Variants in IARS1 observed in about 807,000 individuals in gnomAD.
The protein encoded by IARS1 is isoleucyl-tRNA synthetase 1.
In IARS1, 124 loss-of-function variants were observed where a neutral mutation model predicts 168.2. That is an observed-to-expected ratio of 0.74 (90% CI 0.64 to 0.86). The LOEUF (loss-of-function observed/expected upper bound fraction) is 0.86. IARS1 is among the 40% of genes least tolerant of loss of function. The pLI, the probability that IARS1 is intolerant of heterozygous loss-of-function variation, is 0.00. For synonymous variants in IARS1, 532 were observed against 529.4 expected (o/e 1.00, Z -0.07); for missense variants, 1,452 against 1,515.8 (o/e 0.96, Z 0.70).
At chr9:92,260,718 T>G (rs1395967744) in intron 17 of IARS1, among the ~76,000 whole-genome samples, 2 of 152,054 alleles carry the variant, frequency 1.3e-5, no homozygotes, top group Non-Finnish European at 2.9e-5. Context: ...TGCAAACTTC[T>G]TTTTGAATAT....
chr9:92,216,201 A>C (rs898631541), intron 33 of IARS1, among the ~76,000 whole-genome samples: 5 of 150,458 alleles, frequency 3.3e-5, no homozygotes, highest in African/African-American at 9.7e-5. Context: ...GAAATAAAAT[A>C]CTTTACAGAC....
At chr9:92,274,316 CA>C in intron 10 of IARS1, 109 bp downstream of exon 10, 1 of 769,578 alleles carries the variant, frequency 1.3e-6, no homozygotes, top group Non-Finnish European at 2.3e-6. Flanking sequence ...GGCAGTGAGC[CA>C]GAAAAGAGGC....
intron 11 of IARS1, 103 bp downstream of exon 11, chr9:92,271,430 C>A: frequency 6.8e-7 from 1 of 1,465,104 alleles, no homozygotes; most frequent in South Asian, 1.2e-5. Context: ...ATGACAAAAC[C>A]AAATAAAAAC....
intron 31 of IARS1, among the ~76,000 whole-genome samples, chr9:92,225,364 C>T (rs1004392565): frequency 6.6e-6 from 1 of 152,112 alleles, no homozygotes; most frequent in Non-Finnish European, 1.5e-5. Context: ...CTTATTTTTC[C>T]ACTCTCTTAT....
At chr9:92,241,059 C>T (rs1373843390) in intron 29 of IARS1, 98 bp from the exon 30 acceptor site, 3 of 707,772 alleles carry the variant, frequency 4.2e-6, no homozygotes, top group East Asian at 5.1e-5. Context: ...ACAACAAGAG[C>T]TGTACACAAT....
chr9:92,229,145 A>G lies in IARS1; in HGVS notation c.3284-19T>C, dbSNP rs1470615012. ...ACTCCACCTAAAAAGCCACAAAAAT[A>G]ACACCTCAATCAGACAAATAAAACT... On this transcript the variant is annotated intron_variant, in intron 30 of 33. Transcript: ENST00000443024. 21 of 1,609,800 alleles carry G rather than the reference A, an allele frequency of 1.3e-5. No homozygotes were observed. The East Asian group carries it at 4.7e-4, about 36-fold the overall frequency.
At chr9:92,278,380 T>C in intron 7 of IARS1, 94 bp from the exon 8 acceptor site, 3 of 823,366 alleles carry the variant, frequency 3.6e-6, no homozygotes, top group Non-Finnish European at 2.1e-6. Flanking sequence ...CCTGAGGAGC[T>C]CCTGTACCAT....
chr9:92,213,768 C>T (rs140286638), intron 33 of IARS1, among the ~76,000 whole-genome samples: 36 of 152,300 alleles, frequency 2.4e-4, no homozygotes, highest in African/African-American at 7.9e-4. Flanking sequence ...TAGACAGATC[C>T]TGTCTCCATC....
chr9:92,245,049 A>G lies in IARS1; in HGVS notation c.2814T>C (p.His938=), dbSNP rs1564168418. ...GGCGGATGTCTTCATCGTGCAATTC[A>G]TGGCCTTCCACAACAATGGTCCCTA... ...QKTGTIVVEG[H]ELHDEDIRLM... is the part of the protein sequence containing the mutation. Residue 938 remains histidine (H), a synonymous_variant, in exon 27 of 34, where the codon CAT becomes CAC. Transcript: ENST00000443024. 1 of 1,614,186 alleles carries G rather than the reference A, an allele frequency of 6.2e-7. No individual in the cohort carries two copies. The highest frequency in any genetic ancestry group is 2.2e-5 in the East Asian group (1 of 44,888).
chr9:92,228,251 G>A (rs567870539), intron 31 of IARS1, among the ~76,000 whole-genome samples: 1 of 152,248 alleles, frequency 6.6e-6, no homozygotes, highest in African/African-American at 2.4e-5. Context: ...TATTTCCACA[G>A]GTCACATTTA....
intron 1 of IARS1, among the ~76,000 whole-genome samples, chr9:92,290,635 G>A (rs952782391): frequency 3.9e-5 from 6 of 151,974 alleles, no homozygotes; most frequent in South Asian, 2.1e-4. Context: ...TAGATTTTTC[G>A]CTTACATTTA....
chr9:92,282,986 T>C (rs541729881), intron 6 of IARS1, among the ~76,000 whole-genome samples: 3 of 151,652 alleles, frequency 2.0e-5, no homozygotes, highest in South Asian at 4.2e-4. Context: ...TGTGGAGTAG[T>C]TGGAACTAAA....
intron 2 of IARS1, among the ~76,000 whole-genome samples, chr9:92,288,890 C>T (rs1341361182): frequency 6.6e-6 from 1 of 152,016 alleles, no homozygotes; most frequent in African/African-American, 2.4e-5. Flanking sequence ...CTGGGGGATT[C>T]TGGGAATAGA....
At chr9:92,285,090 T>A (rs561906909) in intron 6 of IARS1, among the ~76,000 whole-genome samples, 1 of 152,174 alleles carries the variant, frequency 6.6e-6, no homozygotes. Flanking sequence ...CAAGTCAACA[T>A]CCTTTAAAAA....
At position 92,250,208 on chromosome 9, in the gene IARS1, G is replaced by A; in HGVS notation, c.2511C>T (p.Asp837=). The A allele has an allele frequency of 6.2e-7, 1 of 1,609,434 alleles. No homozygotes were observed. The highest frequency in any genetic ancestry group is 8.5e-7 in the Non-Finnish European group (1 of 1,175,778). The part of the protein sequence containing the change: ...SVIELGRVIR[D]RKTIPIKYPL... ...AAACCTTTATGGGAATAGTTTTTCG[G>A]TCTCTGATCACTCTTCCAAGTTCAA... The change falls in exon 24 of 34, where the codon GAC becomes GAT. Residue 837 remains aspartate, a synonymous_variant. Coordinates refer to ENST00000443024, the MANE Select transcript of IARS1 (RefSeq NM_002161.6).
At chr9:92,269,625 G>A (rs1385916993) in intron 13 of IARS1, among the ~76,000 whole-genome samples, 3 of 152,102 alleles carry the variant, frequency 2.0e-5, no homozygotes, top group Admixed American at 1.3e-4. Flanking sequence ...TCCCTAAATC[G>A]AATAAATGGT....
chr9:92,243,148 A>G (rs1032250932), intron 28 of IARS1, 68 bp downstream of exon 28: 1 of 1,106,404 alleles, frequency 9.0e-7, no homozygotes, highest in Non-Finnish European at 1.4e-6. Context: ...TGCCTCTCCT[A>G]TCTTCTCCAA....
chr9:92,215,060 T>C (rs377150497), intron 33 of IARS1, among the ~76,000 whole-genome samples: 6,072 of 152,198 alleles, frequency 0.04, 147 homozygotes, highest in South Asian at 0.078. Flanking sequence ...TCTCCCAGCA[T>C]GCAGCTGGAG....
intron 21 of IARS1, chr9:92,252,436 T>G (rs571689923): frequency 2.1e-4 from 108 of 508,142 alleles, no homozygotes; most frequent in African/African-American, 2.0e-3. Flanking sequence ...AAAATGAAAT[T>G]ACAGTTGTGT....
Sources: gnomAD v4.1 joint callset for allele counts (sites outside exome capture counted in the v4.1 genomes callset) on GRCh38, gnomAD v4.1.1 for gene constraint, MANE v1.5 for transcripts, NCBI Gene and HGNC (gene_info 2026-07-23, HGNC 2026-07-21) for gene names.